LIMCH1: variants seen among roughly 807,000 people sequenced by gnomAD.
LIMCH1 encodes the protein LIM and calponin homology domains 1.
A neutral mutation model predicts 176.5 loss-of-function variants in LIMCH1; 113 were observed. That is an observed-to-expected ratio of 0.64 (90% confidence interval 0.55 to 0.75). The LOEUF is 0.75. Among genes scored for constraint, LIMCH1 ranks in the 30% least tolerant of loss-of-function variants. LIMCH1 has a pLI of 0.00. For missense variants in LIMCH1, 1,674 were observed against 1,814.9 expected, an observed-to-expected ratio of 0.92 and a Z score of 1.41; for synonymous variants, 619 against 645.9, an observed-to-expected ratio of 0.96 and a Z score of 0.63.
chr4:41,625,067 A>G, intron 7 of LIMCH1, among the ~76,000 whole-genome samples: 1 of 152,212 alleles, frequency 6.6e-6, no homozygotes, highest in East Asian at 1.9e-4. Flanking sequence ...ACAAAATAAA[A>G]GTGCCAAACC....
chr4:41,364,450 A>G (rs925612709), intron 1 of LIMCH1, among the ~76,000 whole-genome samples: 3 of 152,182 alleles, frequency 2.0e-5, no homozygotes, highest in East Asian at 1.9e-4. Flanking sequence ...TTTCCCGGGT[A>G]GAAAATATGA....
intron 1 of LIMCH1, among the ~76,000 whole-genome samples, chr4:41,376,782 C>T (rs2054832855): frequency 3.3e-5 from 5 of 152,174 alleles, no homozygotes; most frequent in South Asian, 2.1e-4. Context: ...CTTACGTTTT[C>T]GTTCATTAAG....
chr4:41,370,638 A>G (rs925804162), intron 1 of LIMCH1, among the ~76,000 whole-genome samples: 7 of 152,362 alleles, frequency 4.6e-5, no homozygotes, highest in Admixed American at 4.6e-4. Context: ...AGTGACAAGT[A>G]GAAGCCTGAT....
intron 1 of LIMCH1, among the ~76,000 whole-genome samples, chr4:41,444,863 A>G (rs992207867): frequency 1.2e-4 from 19 of 152,144 alleles, no homozygotes; most frequent in African/African-American, 4.6e-4. Context: ...CTGACCATCC[A>G]CTGTCTGATG....
At chr4:41,516,437 T>C (rs1469379210) in intron 2 of LIMCH1, among the ~76,000 whole-genome samples, 1 of 152,232 alleles carries the variant, frequency 6.6e-6, no homozygotes, top group Non-Finnish European at 1.5e-5. Flanking sequence ...AACCCAAGTT[T>C]ATAATCCCAA....
intron 1 of LIMCH1, among the ~76,000 whole-genome samples, chr4:41,581,545 A>G (rs2152682655): frequency 6.6e-6 from 1 of 152,122 alleles, no homozygotes; most frequent in Non-Finnish European, 1.5e-5. Flanking sequence ...AGTGGCTCAC[A>G]CCTGTAATCC....
At chr4:41,472,540 C>A (rs2067130538) in intron 1 of LIMCH1, among the ~76,000 whole-genome samples, 1 of 152,126 alleles carries the variant, frequency 6.6e-6, no homozygotes, top group Admixed American at 6.5e-5. Flanking sequence ...CCATCTCAGT[C>A]TCCCAAGTAG....
chr4:41,429,096 C>T lies in LIMCH1; in HGVS notation c.97-65440C>T, dbSNP rs534656445. Reference sequence around the variant, plus strand: ...GCAAATCCTCCAGATGAGTTCCAGCCGAGGGAGAGTGGTGCTTGAGTGGCT... The same window carrying T: ...GCAAATCCTCCAGATGAGTTCCAGCTGAGGGAGAGTGGTGCTTGAGTGGCT... On this transcript the variant is annotated intron_variant, in intron 1 of 26. Transcript: ENST00000313860. Among the ~76,000 whole-genome samples, 6 of 152,252 alleles carry T rather than the reference C, an allele frequency of 3.9e-5. No homozygotes were observed. In the East Asian group the frequency reaches 7.7e-4, roughly 20 times the overall value.
At chr4:41,414,086 T>A (rs1395125642) in intron 1 of LIMCH1, among the ~76,000 whole-genome samples, 1 of 152,214 alleles carries the variant, frequency 6.6e-6, no homozygotes, top group East Asian at 1.9e-4. Context: ...TTATAACTCA[T>A]TCTCCCAAAT....
intron 20 of LIMCH1, among the ~76,000 whole-genome samples, chr4:41,663,497 T>A (rs2094705468): frequency 6.6e-6 from 1 of 152,158 alleles, no homozygotes; most frequent in Admixed American, 6.5e-5. Flanking sequence ...AATCATCTAT[T>A]TGTTAGCCAT....
intron 31 of LIMCH1, among the ~76,000 whole-genome samples, chr4:41,695,337 T>C (rs1729748859): frequency 6.6e-6 from 1 of 151,588 alleles, no homozygotes; most frequent in South Asian, 2.1e-4. Flanking sequence ...TTTTTTTTTT[T>C]CTCCTTCACA....
In LIMCH1 at chr4:41,631,456, T is replaced by TTAA; in HGVS notation, c.1582_1584dup (p.Asn528dup). On this transcript the variant is annotated inframe_insertion, in exon 10 of 32. Coordinates refer to ENST00000503057, the MANE Select transcript of LIMCH1 (RefSeq NM_001330672.2). ...TCCAGCTTAAAGGGCCACCAAATAT[T>TTAA]TAATCGACAAAATGACTGCAGGTAT... The TTAA allele has an allele frequency of 6.6e-7, 1 of 1,517,298 alleles. No homozygotes were observed. The highest frequency in any genetic ancestry group is 8.8e-7 in the Non-Finnish European group (1 of 1,138,120). The allele number at this position is 1,517,298 out of a possible 1,614,324, so 94.0% of individuals were successfully genotyped here. A position where few individuals can be genotyped will look rare whatever the true frequency, so the allele number is the denominator to read the frequency against.
intron 21 of LIMCH1, chr4:41,670,731 T>A: frequency 6.5e-7 from 1 of 1,535,856 alleles, no homozygotes; most frequent in South Asian, 1.2e-5. Context: ...CGCCTGGCAC[T>A]GCCAGTGTTC....
rs767541444 is a variant in LIMCH1, at chr4:41,448,551, GA to G, written c.97-45984del. Among the ~76,000 whole-genome samples the G allele has an allele frequency of 6.9e-4, 105 of 151,908 alleles. 2 individuals carry two copies. In the East Asian group the frequency reaches 0.018, roughly 26 times the overall value. On this transcript the variant is annotated intron_variant, in intron 1 of 26. Transcript: ENST00000313860. Reference sequence around the variant, plus strand: ...AATTCATTAATTTTTTTTTTTTAAAGATTTTTTTGGTAACAGTTTTATTGAG... The same window carrying G: ...AATTCATTAATTTTTTTTTTTTAAAGTTTTTTTGGTAACAGTTTTATTGAG...
chr4:41,581,241 A>G (rs2085377269), intron 1 of LIMCH1, among the ~76,000 whole-genome samples: 1 of 152,138 alleles, frequency 6.6e-6, no homozygotes, highest in Admixed American at 6.5e-5. Context: ...GATTTGGTAT[A>G]TGTATACACC....
intron 2 of LIMCH1, among the ~76,000 whole-genome samples, chr4:41,495,616 A>G (rs540285001): frequency 6.6e-6 from 1 of 152,314 alleles, no homozygotes; most frequent in Admixed American, 6.5e-5. Flanking sequence ...CCTGTGGACT[A>G]GAGATTGATG....
chr4:41,409,835 G>C (rs2059324953), intron 1 of LIMCH1, among the ~76,000 whole-genome samples: 1 of 152,178 alleles, frequency 6.6e-6, no homozygotes, highest in Admixed American at 6.5e-5. Flanking sequence ...GGCTAATAGT[G>C]TTAGTTTTCT....
chr4:41,637,715 A>G (rs945772908), intron 13 of LIMCH1, among the ~76,000 whole-genome samples: 2 of 152,158 alleles, frequency 1.3e-5, no homozygotes, highest in Admixed American at 6.5e-5. Flanking sequence ...GGTTGCCTTC[A>G]CTGTGAATTA....
chr4:41,395,261 T>G (rs948871562), intron 1 of LIMCH1, among the ~76,000 whole-genome samples: 9 of 150,340 alleles, frequency 6.0e-5, no homozygotes, highest in African/African-American at 2.2e-4. Context: ...AGATGGAGTT[T>G]CGCTCTTGTC....
Sources: gnomAD v4.1 joint callset for allele counts (sites outside exome capture counted in the v4.1 genomes callset) on GRCh38, gnomAD v4.1.1 for gene constraint, MANE v1.5 for transcripts, NCBI Gene and HGNC (gene_info 2026-07-23, HGNC 2026-07-21) for gene names.